Variants in SYTL1 observed in about 807,000 individuals in gnomAD.
SYTL1 encodes synaptotagmin like 1, also known as synaptotagmin-like protein 1.
In SYTL1, 53 loss-of-function variants were observed where a neutral mutation model predicts 74.6. The ratio of observed to expected loss-of-function variants is 0.71; its 90% confidence interval spans 0.57 to 0.89. The LOEUF (loss-of-function observed/expected upper bound fraction) is 0.89, where lower values mean the gene tolerates loss of function less well. Ranked by LOEUF, SYTL1 falls within the 40% of genes least tolerant of loss-of-function variation. The pLI, the probability that SYTL1 is intolerant of heterozygous loss-of-function variation, is 0.00. For synonymous variants in SYTL1, 329 were observed against 324.9 expected, an observed-to-expected ratio of 1.01 and a Z score of -0.14; for missense variants, 728 against 768.7, an observed-to-expected ratio of 0.95 and a Z score of 0.63.
In SYTL1 at chr1:27,353,913, A is replaced by G; in HGVS notation, c.*61A>G. The G allele has an allele frequency of 2.0e-6, 3 of 1,502,900 alleles. No individual in the cohort carries two copies. The highest frequency in any genetic ancestry group is 1.8e-5 in the Admixed American group (1 of 56,456). 93.1% of individuals were successfully genotyped at this position (1,502,900 alleles called of 1,614,324 possible). On this transcript the variant is annotated 3_prime_UTR_variant, in exon 15 of 15. Coordinates refer to ENST00000616558, the MANE Select transcript of SYTL1 (RefSeq NM_001193308.2). ...GGGCCTGCCCTTGGCTAAAGTCAATAAAGTCTATTCTAAGAGCAATAAAAG... is the reference window on the plus strand; with the variant it reads ...GGGCCTGCCCTTGGCTAAAGTCAATGAAGTCTATTCTAAGAGCAATAAAAG...
rs765113172 is a variant in SYTL1, at chr1:27,345,542, C to T, written c.191+17C>T. 11 of 1,528,254 alleles carry T rather than the reference C, an allele frequency of 7.2e-6. No homozygotes were observed. The South Asian group carries it at 9.8e-5, about 14-fold the overall frequency. The allele number at this position is 1,528,254 out of a possible 1,614,324, so 94.7% of individuals were successfully genotyped here. ...GCGGGTCAGGTAAGGCAGGGCAGAC[C>T]CTGGCCGGGGAGCACCAAGAGGCTT... On this transcript the variant is annotated intron_variant, in intron 2 of 14. Coordinates refer to ENST00000616558, the MANE Select transcript of SYTL1 (RefSeq NM_001193308.2). The surrounding 1 kb of genome is among the most constrained non-coding windows in gnomAD (Gnocchi z 6.0).
At position 27,351,396 on chromosome 1, in the gene SYTL1, C is replaced by A; in HGVS notation, c.1243+60C>A. The A allele has an allele frequency of 6.6e-7, 1 of 1,507,838 alleles. No homozygotes were observed. The highest frequency in any genetic ancestry group is 8.9e-7 in the Non-Finnish European group (1 of 1,123,024). 93.4% of individuals were successfully genotyped at this position (1,507,838 alleles called of 1,614,324 possible). ...CCCTGAAAAGCGGGAGACTCCAGTC[C>A]CCGGGTTTGGGGGCGGTGGACTCCA... is the stretch of plus-strand genomic sequence containing the variant. On this transcript the variant is annotated intron_variant, in intron 12 of 14. Transcript: ENST00000616558. This position sits in a 1 kb window ranked among gnomAD's most constrained non-coding sequence, Gnocchi z 5.0.
Position 27,342,180 on chromosome 1 carries a change from C to A in SYTL1, c.-39+30C>A. 1.0e-5 allele frequency: 2 copies of A among 200,558 alleles called. No individual in the cohort carries two copies. Among genetic ancestry groups the A allele is most frequent in the Non-Finnish European group, 1.8e-5 (2 of 112,252 alleles). 12.4% of individuals were successfully genotyped at this position (200,558 alleles called of 1,614,324 possible). The stretch of plus-strand genomic sequence containing the variant: ...CACGTGTCGGTGCCAGGGTCCCCTG[C>A]CAGGGTCCAGAGACGCAGGCACTGC... On this transcript the variant is annotated intron_variant, in intron 1 of 14. Transcript: ENST00000616558. The surrounding 1 kb of genome is among the most constrained non-coding windows in gnomAD (Gnocchi z 4.7).
At position 27,348,864 on chromosome 1, in the gene SYTL1, G is replaced by A. The variant is rs942025539; in HGVS notation, c.460-216G>A. Among the ~76,000 whole-genome samples, 6 of 152,238 alleles carry A rather than the reference G, an allele frequency of 3.9e-5. No individual in the cohort carries two copies. The highest frequency in any genetic ancestry group is 1.4e-4 in the African/African-American group (6 of 41,466). On this transcript the variant is annotated intron_variant, in intron 5 of 14. Coordinates refer to ENST00000616558, the MANE Select transcript of SYTL1 (RefSeq NM_001193308.2). This position sits in a 1 kb window ranked among gnomAD's most constrained non-coding sequence, Gnocchi z 4.1. ...TCAGGTACGAATGACCCCACCAATGGGAGTAGGGAGTCAGGCGGCACAAGC... is the reference window on the plus strand; with the variant it reads ...TCAGGTACGAATGACCCCACCAATGAGAGTAGGGAGTCAGGCGGCACAAGC...
In SYTL1 at chr1:27,351,436, T is replaced by TGAGCC; in HGVS notation, c.1244-14_1244-10dup. ...GGTGGACTCCATCCGTGTGCGGGCCTGAGCCGAGCCTCTCCGCAGGCGCAG... is the reference window on the plus strand; with the variant it reads ...GGTGGACTCCATCCGTGTGCGGGCCTGAGCCGAGCCGAGCCTCTCCGCAGGCGCAG... On this transcript the variant is annotated intron_variant, in intron 12 of 14. Transcript: ENST00000616558. The surrounding 1 kb of genome is among the most constrained non-coding windows in gnomAD (Gnocchi z 5.0). 6.6e-7 allele frequency: 1 copy of TGAGCC among 1,513,492 alleles called. No homozygotes were observed. Among genetic ancestry groups the TGAGCC allele is most frequent in the Non-Finnish European group, 8.9e-7 (1 of 1,126,698 alleles). The allele number at this position is 1,513,492 out of a possible 1,614,324, so 93.8% of individuals were successfully genotyped here.
Position 27,348,691 on chromosome 1 carries a change from G to T in SYTL1, c.460-389G>T, listed in dbSNP as rs929544076. ...CATTGCACTCTAGCCTGGGCAACAA[G>T]AGTGAAACTCTGTCTCAATTAAAAA... On this transcript the variant is annotated intron_variant, in intron 5 of 14. Coordinates refer to ENST00000616558, the MANE Select transcript of SYTL1 (RefSeq NM_001193308.2). The surrounding 1 kb of genome is among the most constrained non-coding windows in gnomAD (Gnocchi z 4.1). Among the ~76,000 whole-genome samples the T allele has an allele frequency of 4.6e-5, 7 of 152,036 alleles. No individual in the cohort carries two copies. Among genetic ancestry groups the T allele is most frequent in the African/African-American group, 1.4e-4 (6 of 41,386 alleles).
chr1:27,345,292 C>T lies in SYTL1; in HGVS notation c.-38-5C>T, dbSNP rs920206997. On this transcript the variant is annotated splice_region_variant and splice_polypyrimidine_tract_variant and intron_variant, in intron 1 of 14. Coordinates refer to ENST00000616558, the MANE Select transcript of SYTL1 (RefSeq NM_001193308.2). The surrounding 1 kb of genome is among the most constrained non-coding windows in gnomAD (Gnocchi z 6.0). ...GGCTTGACCTGACCCTCGGTCTGCC[C>T]CCAGGAAGCTCCGTGTGCCCAGCTG... The T allele has an allele frequency of 2.1e-6, 3 of 1,421,112 alleles. No individual in the cohort carries two copies. Among genetic ancestry groups the T allele is most frequent in the Non-Finnish European group, 2.8e-6 (3 of 1,078,958 alleles). 88.0% of individuals were successfully genotyped at this position (1,421,112 alleles called of 1,614,324 possible).
rs773179745 is a variant in SYTL1 at position 27,349,766 on chromosome 1, G to T, written c.747+1G>T. 1 of 1,595,862 alleles carries T rather than the reference G, an allele frequency of 6.3e-7. No individual in the cohort carries two copies. The highest frequency in any genetic ancestry group is 1.3e-5 in the African/African-American group (1 of 74,654). ...GGTGTCCAGCCTTAACTCCTCCACG[G>T]TGAGGCGGGAGGGAGGGGACCCGGG... On this transcript the variant is annotated splice_donor_variant, in intron 8 of 14. Coordinates refer to ENST00000616558, the MANE Select transcript of SYTL1 (RefSeq NM_001193308.2). LOFTEE classifies it high-confidence loss of function.
At chr1:27,349,026 G>T in intron 5 of SYTL1, 54 bp from the exon 6 acceptor site, 1 of 1,411,390 alleles carries the variant, frequency 7.1e-7, no homozygotes, top group Non-Finnish European at 9.9e-7. Flanking sequence ...TATGACCTTT[G>T]ACCTCTTCCT....
At position 27,342,176 on chromosome 1, in the gene SYTL1, CCTGCCAGGGTCCA is replaced by C; in HGVS notation, c.-39+27_-39+39del. ...GTAACACGTGTCGGTGCCAGGGTCC[CCTGCCAGGGTCCA>C]GAGACGCAGGCACTGCCACCTGGTA... is the stretch of plus-strand genomic sequence containing the variant. On this transcript the variant is annotated intron_variant, in intron 1 of 14. Transcript: ENST00000616558. This position sits in a 1 kb window ranked among gnomAD's most constrained non-coding sequence, Gnocchi z 4.7. The C allele has an allele frequency of 5.2e-6, 1 of 191,668 alleles. No homozygotes were observed. Among genetic ancestry groups the C allele is most frequent in the Non-Finnish European group, 9.6e-6 (1 of 104,092 alleles). The allele number at this position is 191,668 out of a possible 1,614,324, so 11.9% of individuals were successfully genotyped here. A position where few individuals can be genotyped will look rare whatever the true frequency, so the allele number is the denominator to read the frequency against.
In SYTL1 at chr1:27,351,020, C is replaced by T. The variant is rs907313319; in HGVS notation, c.1164+68C>T. On this transcript the variant is annotated intron_variant, in intron 11 of 14. Coordinates refer to ENST00000616558, the MANE Select transcript of SYTL1 (RefSeq NM_001193308.2). The surrounding 1 kb of genome is among the most constrained non-coding windows in gnomAD (Gnocchi z 5.0). ...TCCTGCATTTACCCCACCAGGCTCT[C>T]CCGCAGCCCCCTCACACCCCGCCTT... 9.6e-6 allele frequency: 15 copies of T among 1,561,824 alleles called. No individual in the cohort carries two copies. The Admixed American group carries it at 1.7e-4, about 18-fold the overall frequency.
Position 27,353,813 on chromosome 1 carries a change from CCTT to C in SYTL1, c.1653_1655del (p.Leu552del). 1 of 1,614,052 alleles carries C rather than the reference CCTT, an allele frequency of 6.2e-7. No homozygotes were observed. The highest frequency in any genetic ancestry group is 2.2e-5 in the East Asian group (1 of 44,880). Reference sequence around the variant, plus strand: ...AGCAGCCGTGCGAATGGGTGGATGGCCTTCTACCCCTCAGAACCAACCTGGCCC... The same window carrying C: ...AGCAGCCGTGCGAATGGGTGGATGGCCTACCCCTCAGAACCAACCTGGCCC... On this transcript the variant is annotated inframe_deletion, in exon 15 of 15. Coordinates refer to ENST00000616558, the MANE Select transcript of SYTL1 (RefSeq NM_001193308.2).
Position 27,350,992 on chromosome 1 carries a change from GTCTCCTGCATTTACCCCACCAGGC to G in SYTL1, c.1164+46_1164+69del, listed in dbSNP as rs1557545658. On this transcript the variant is annotated intron_variant, in intron 11 of 14. Coordinates refer to ENST00000616558, the MANE Select transcript of SYTL1 (RefSeq NM_001193308.2). This position sits in a 1 kb window ranked among gnomAD's most constrained non-coding sequence, Gnocchi z 6.3. The stretch of plus-strand genomic sequence containing the variant: ...CCGCGTGGGGAGACCTGCGGCCCGG[GTCTCCTGCATTTACCCCACCAGGC>G]TCTCCCGCAGCCCCCTCACACCCCG... 6.2e-7 allele frequency: 1 copy of G among 1,608,458 alleles called. No homozygotes were observed. Among genetic ancestry groups the G allele is most frequent in the East Asian group, 2.2e-5 (1 of 44,776 alleles).
In SYTL1 at chr1:27,345,451, G is replaced by T; in HGVS notation, c.117G>T (p.Glu39Asp). The T allele has an allele frequency of 6.4e-7, 1 of 1,561,980 alleles. No individual in the cohort carries two copies. Among genetic ancestry groups the T allele is most frequent in the Non-Finnish European group, 8.7e-7 (1 of 1,152,204 alleles). The change falls in exon 2 of 15, where the codon GAG (glutamate) becomes GAT (aspartate). Residue 39 changes from glutamate to aspartate, a missense_variant. Coordinates refer to ENST00000616558, the MANE Select transcript of SYTL1 (RefSeq NM_001193308.2). The surrounding 1 kb of genome is among the most constrained non-coding windows in gnomAD (Gnocchi z 6.0). ...EGLLDLSFLT[E>D]EEQEAIAGVL... is the part of the protein sequence containing the mutation. The stretch of plus-strand genomic sequence containing the variant: ...TGTTGGACCTCAGCTTCCTGACAGA[G>T]GAGGAGCAGGAGGCCATTGCTGGCG...
chr1:27,343,960 G>A lies in SYTL1; in HGVS notation c.-38-1337G>A, dbSNP rs1416616506. 6.6e-6 allele frequency among the ~76,000 whole-genome samples: 1 copy of A among 152,156 alleles called. No homozygotes were observed. The highest frequency in any genetic ancestry group is 1.5e-5 in the Non-Finnish European group (1 of 68,026). On this transcript the variant is annotated intron_variant, in intron 1 of 14. Transcript: ENST00000616558. This position sits in a 1 kb window ranked among gnomAD's most constrained non-coding sequence, Gnocchi z 5.2. ...TTGTTAGTTTTTGTTTTGAGACGGA[G>A]TCTCACTCTTGCCCAGGCTGGAGTG...
chr1:27,353,681 C>T (rs1034149556), intron 14 of SYTL1, 32 bp from the exon 15 acceptor site: 8 of 1,601,926 alleles, frequency 5.0e-6, no homozygotes, highest in Admixed American at 3.4e-5. Context: ...CCAGTGTGAT[C>T]ATGCCCTCAA....
chr1:27,345,020 A>T lies in SYTL1; in HGVS notation c.-38-277A>T, dbSNP rs2014938112. 1 of 222,156 alleles carries T rather than the reference A, an allele frequency of 4.5e-6. No homozygotes were observed. Among genetic ancestry groups the T allele is most frequent in the Non-Finnish European group, 8.8e-6 (1 of 113,384 alleles). The allele number at this position is 222,156 out of a possible 1,614,324, so 13.8% of individuals were successfully genotyped here. Reference sequence around the variant, plus strand: ...TATGCCTACATGGACCCGCGTGTGCACATGTGTCTGTGTGTTCCATCGCTG... The same window carrying T: ...TATGCCTACATGGACCCGCGTGTGCTCATGTGTCTGTGTGTTCCATCGCTG... On this transcript the variant is annotated intron_variant, in intron 1 of 14. Transcript: ENST00000616558. This position sits in a 1 kb window ranked among gnomAD's most constrained non-coding sequence, Gnocchi z 6.0.
chr1:27,351,448 C>T lies in SYTL1; in HGVS notation c.1244-8C>T. 6.6e-7 allele frequency: 1 copy of T among 1,519,642 alleles called. No individual in the cohort carries two copies. Among genetic ancestry groups the T allele is most frequent in the Non-Finnish European group, 8.8e-7 (1 of 1,129,998 alleles). 94.1% of individuals were successfully genotyped at this position (1,519,642 alleles called of 1,614,324 possible). A position where few individuals can be genotyped will look rare whatever the true frequency, so the allele number is the denominator to read the frequency against. ...CCGTGTGCGGGCCTGAGCCGAGCCT[C>T]TCCGCAGGCGCAGGACTGCCCCCGA... is the stretch of plus-strand genomic sequence containing the variant. On this transcript the variant is annotated splice_region_variant and splice_polypyrimidine_tract_variant and intron_variant, in intron 12 of 14. Transcript: ENST00000616558. This position sits in a 1 kb window ranked among gnomAD's most constrained non-coding sequence, Gnocchi z 5.0.
Position 27,351,173 on chromosome 1 carries a change from C to T in SYTL1, c.1165-85C>T, listed in dbSNP as rs1182690589. On this transcript the variant is annotated intron_variant, in intron 11 of 14. Transcript: ENST00000616558. This position sits in a 1 kb window ranked among gnomAD's most constrained non-coding sequence, Gnocchi z 5.0. ...TGCAGGCCCCGCCGTCTCTTCTAGC[C>T]GCACCCCATCCGGGTCTGCAGACCC... is the stretch of plus-strand genomic sequence containing the variant. The T allele has an allele frequency of 1.3e-5, 19 of 1,476,028 alleles. No homozygotes were observed. Among genetic ancestry groups the T allele is most frequent in the East Asian group, 9.9e-5 (4 of 40,524 alleles). 91.4% of individuals were successfully genotyped at this position (1,476,028 alleles called of 1,614,324 possible).
Sources: allele counts gnomAD v4.1 joint callset (sites outside exome capture counted in the v4.1 genomes callset), GRCh38; gene constraint gnomAD v4.1.1; non-coding constraint Gnocchi (gnomAD v3.1); transcripts MANE v1.5; gene names NCBI Gene and HGNC (gene_info 2026-07-23, HGNC 2026-07-21).